TTBK1: variants seen among roughly 807,000 people sequenced by gnomAD.
TTBK1 encodes tau-tubulin kinase 1.
In TTBK1, 34 loss-of-function variants were observed where a neutral mutation model predicts 108.5. That is an observed-to-expected ratio of 0.31 (90% CI 0.24 to 0.42). TTBK1 has a LOEUF of 0.42. Ranked by LOEUF, TTBK1 falls within the 10% of genes least tolerant of loss-of-function variation. TTBK1 has a pLI of 1.00. For missense variants in TTBK1, 1,539 were observed against 1,826.0 expected (o/e 0.84, Z 2.86); for synonymous variants, 809 against 795.1 (o/e 1.02, Z -0.29).
rs771373895 is a variant in TTBK1, at chr6:43,283,435, G to C, written c.2695G>C (p.Gly899Arg). 4.6e-5 allele frequency: 75 copies of C among 1,613,502 alleles called. No homozygotes were observed. Residue 899 changes from glycine (G) to arginine (R), a missense_variant, in exon 14 of 15, where the codon GGG becomes CGG. Gly to Arg is a moderately radical substitution (Grantham distance 125). Around this residue, in one of 5 missense-constraint regions of TTBK1, gnomAD observed 1,055 missense variants for 1,086.5 expected, o/e 0.97. Coordinates refer to ENST00000259750, the MANE Select transcript of TTBK1 (RefSeq NM_032538.3). This position sits in a 1 kb window ranked among gnomAD's most constrained non-coding sequence, Gnocchi z 8.1. ...SVLKSEPKPP[G>R]PGAGLGAGTV... ...CCTCAAGTCTGAGCCCAAGCCCCCGGGGCCTGGGGCAGGGCTGGGGGCCGG... is the reference window on the plus strand; with the variant it reads ...CCTCAAGTCTGAGCCCAAGCCCCCGCGGCCTGGGGCAGGGCTGGGGGCCGG...
At position 43,283,030 on chromosome 6, in the gene TTBK1, G is replaced by A; in HGVS notation, c.2290G>A (p.Glu764Lys). 1 of 1,590,970 alleles carries A rather than the reference G, an allele frequency of 6.3e-7. No individual in the cohort carries two copies. Among genetic ancestry groups the A allele is most frequent in the Non-Finnish European group, 8.6e-7 (1 of 1,167,282 alleles). The change falls in exon 14 of 15, where the codon GAG (glutamate) becomes AAG (lysine). Residue 764 changes from glutamate to lysine, a missense_variant. Glu to Lys is a moderately conservative substitution (Grantham distance 56, BLOSUM62 1). Around this residue, in one of 5 missense-constraint regions of TTBK1, gnomAD observed 1,055 missense variants for 1,086.5 expected, o/e 0.97. Coordinates refer to ENST00000259750, the MANE Select transcript of TTBK1 (RefSeq NM_032538.3). The surrounding 1 kb of genome is among the most constrained non-coding windows in gnomAD (Gnocchi z 8.1). ...EEEEEEEEEE[E>K]EEEEEEEAAA... ...AGAGGAAGAGGAGGAGGAAGAAGAG[G>A]AGGAGGAGGAAGAGGAGGAGGAGGC... is the stretch of plus-strand genomic sequence containing the variant.
intron 2 of TTBK1, among the ~76,000 whole-genome samples, chr6:43,250,977 A>T (rs1777223010): frequency 6.6e-6 from 1 of 152,214 alleles, no homozygotes; most frequent in Non-Finnish European, 1.5e-5. Flanking sequence ...CCTGGCTCTG[A>T]GATCCTGCCT....
intron 13 of TTBK1, among the ~76,000 whole-genome samples, chr6:43,274,621 C>T (rs1304972667): frequency 1.6e-5 from 1 of 62,758 alleles, no homozygotes; most frequent in Non-Finnish European, 3.6e-5. Context: ...GTAGATCTCT[C>T]CGGAGGGCCT....
Position 43,283,131 on chromosome 6 carries a change from T to C in TTBK1, c.2391T>C (p.Thr797=), listed in dbSNP as rs772141305. ...GSSSEGSERS[T]DRSQEGAPST... is the part of the protein sequence containing the mutation. ...GCAGTGAGGGGAGTGAGAGGAGCAC[T>C]GACCGGAGCCAGGAGGGTGCCCCGT... The change falls in exon 14 of 15, where the codon ACT becomes ACC. Residue 797 remains threonine (T), a synonymous_variant. Transcript: ENST00000259750. The surrounding 1 kb of genome is among the most constrained non-coding windows in gnomAD (Gnocchi z 8.1). The C allele has an allele frequency of 5.1e-6, 8 of 1,573,726 alleles. No individual in the cohort carries two copies. The highest frequency in any genetic ancestry group is 2.0e-4 in the Middle Eastern group (1 of 4,974).
Position 43,263,541 on chromosome 6 carries a change from C to T in TTBK1, c.1986+191C>T, listed in dbSNP as rs535440548. Among the ~76,000 whole-genome samples, 1 of 152,316 alleles carries T rather than the reference C, an allele frequency of 6.6e-6. No homozygotes were observed. Among genetic ancestry groups the T allele is most frequent in the East Asian group, 1.9e-4 (1 of 5,182 alleles). The stretch of plus-strand genomic sequence containing the variant: ...CAGGCAAGGCTTCCCAGAGGAAGTG[C>T]CCTCTCAGTTCTGAGTTGAGTCTGG... On this transcript the variant is annotated intron_variant, in intron 13 of 14. Transcript: ENST00000259750. This position sits in a 1 kb window ranked among gnomAD's most constrained non-coding sequence, Gnocchi z 4.7.
At position 43,276,162 on chromosome 6, in the gene TTBK1, CT is replaced by C. The variant is rs1428984008; in HGVS notation, c.1987-6563del. On this transcript the variant is annotated intron_variant, in intron 13 of 14. Transcript: ENST00000259750. The surrounding 1 kb of genome is among the most constrained non-coding windows in gnomAD (Gnocchi z 5.4). ...GAGCCTTCCCCTCCCATCGTAAGTC[CT>C]TCCCTCGACCCCCCATTTTGTACTG... Among the ~76,000 whole-genome samples, 16 of 152,174 alleles carry C rather than the reference CT, an allele frequency of 1.1e-4. No homozygotes were observed. The highest frequency in any genetic ancestry group is 6.2e-4 in the South Asian group (3 of 4,832).
In TTBK1 at chr6:43,269,122, C is replaced by T. The variant is rs1485732791; in HGVS notation, c.1986+5772C>T. Among the ~76,000 whole-genome samples the T allele has an allele frequency of 6.6e-6, 1 of 152,180 alleles. No individual in the cohort carries two copies. Among genetic ancestry groups the T allele is most frequent in the African/African-American group, 2.4e-5 (1 of 41,440 alleles). On this transcript the variant is annotated intron_variant, in intron 13 of 14. Transcript: ENST00000259750. This position sits in a 1 kb window ranked among gnomAD's most constrained non-coding sequence, Gnocchi z 4.8. ...TGGGCTCTAGAGTACCACCTTATGC[C>T]GCATGGTCACCCCGATCCCAACACC... is the stretch of plus-strand genomic sequence containing the variant.
chr6:43,258,905 T>C (rs1777446742), intron 10 of TTBK1, 133 bp from the exon 11 acceptor site: 1 of 634,308 alleles, frequency 1.6e-6, no homozygotes. Flanking sequence ...CTAGGGACAC[T>C]CTCACCCCTG....
intron 13 of TTBK1, among the ~76,000 whole-genome samples, chr6:43,281,371 A>G (rs887019033): frequency 3.4e-5 from 5 of 145,610 alleles, no homozygotes; most frequent in African/African-American, 1.3e-4. Flanking sequence ...GCAGGGCTCC[A>G]TATCAAAAAA....
At chr6:43,271,816 G>C in intron 13 of TTBK1, 1 of 982,668 alleles carries the variant, frequency 1.0e-6, no homozygotes, top group Non-Finnish European at 1.2e-6. Flanking sequence ...TGGGCCAAGA[G>C]CACCTTCTCC....
chr6:43,284,421 C>A lies in TTBK1; in HGVS notation c.3572+109C>A. ...GGGGCTATGGAAGATCAGGAGGGAC[C>A]CTCAGTGACACCTCCTGTCCAGCAC... is the stretch of plus-strand genomic sequence containing the variant. On this transcript the variant is annotated intron_variant, in intron 14 of 14. Coordinates refer to ENST00000259750, the MANE Select transcript of TTBK1 (RefSeq NM_032538.3). 3.3e-6 allele frequency: 3 copies of A among 907,416 alleles called. No homozygotes were observed. In the South Asian group the frequency reaches 7.1e-5, roughly 22 times the overall value. 56.2% of individuals were successfully genotyped at this position (907,416 alleles called of 1,614,324 possible). A position where few individuals can be genotyped will look rare whatever the true frequency, so the allele number is the denominator to read the frequency against.
At chr6:43,271,672 G>A (rs1582506894) in intron 13 of TTBK1, 2 of 985,294 alleles carry the variant, frequency 2.0e-6, no homozygotes, top group Non-Finnish European at 2.4e-6. Flanking sequence ...CACACAGAGG[G>A]CCACCATTGT....
chr6:43,285,399 T>TTCCC lies in TTBK1; in HGVS notation c.*23_*24insTCCC. 7.9e-7 allele frequency: 1 copy of TTCCC among 1,258,712 alleles called. No individual in the cohort carries two copies. Among genetic ancestry groups the TTCCC allele is most frequent in the Non-Finnish European group, 9.9e-7 (1 of 1,005,550 alleles). The allele number at this position is 1,258,712 out of a possible 1,614,324, so 78.0% of individuals were successfully genotyped here. A position where few individuals can be genotyped will look rare whatever the true frequency, so the allele number is the denominator to read the frequency against. ...TAATGACGCCCGCTGCTCTCCGCGG[T>TTCCC]CCCCCACCCTCACCCCGGCCCCCCA... On this transcript the variant is annotated 3_prime_UTR_variant, in exon 15 of 15. Coordinates refer to ENST00000259750, the MANE Select transcript of TTBK1 (RefSeq NM_032538.3). The surrounding 1 kb of genome is among the most constrained non-coding windows in gnomAD (Gnocchi z 4.7).
chr6:43,263,475 G>A lies in TTBK1; in HGVS notation c.1986+125G>A. ...AGCCAGCAGTCACAGGGCTGTGATG[G>A]AGGTAGACAGGCTTAAGGGTCTGAA... On this transcript the variant is annotated intron_variant, in intron 13 of 14. Transcript: ENST00000259750. The surrounding 1 kb of genome is among the most constrained non-coding windows in gnomAD (Gnocchi z 4.7). The A allele has an allele frequency of 1.0e-6, 1 of 961,220 alleles. No homozygotes were observed. Among genetic ancestry groups the A allele is most frequent in the Non-Finnish European group, 1.4e-6 (1 of 693,790 alleles). The allele number at this position is 961,220 out of a possible 1,614,324, so 59.5% of individuals were successfully genotyped here.
intron 13 of TTBK1, among the ~76,000 whole-genome samples, chr6:43,274,001 A>T (rs1256246224): frequency 6.6e-6 from 1 of 152,080 alleles, no homozygotes; most frequent in East Asian, 1.9e-4. Context: ...GGTGTGCATA[A>T]GTGCCTGAAT....
chr6:43,286,227 G>A lies in TTBK1; in HGVS notation c.*851G>A, dbSNP rs919131378. The A allele has an allele frequency of 6.5e-6, 1 of 152,710 alleles. No homozygotes were observed. Among genetic ancestry groups the A allele is most frequent in the African/African-American group, 2.4e-5 (1 of 41,444 alleles). 9.5% of individuals were successfully genotyped at this position (152,710 alleles called of 1,614,324 possible). A position where few individuals can be genotyped will look rare whatever the true frequency, so the allele number is the denominator to read the frequency against. On this transcript the variant is annotated 3_prime_UTR_variant, in exon 15 of 15. Transcript: ENST00000259750. The surrounding 1 kb of genome is among the most constrained non-coding windows in gnomAD (Gnocchi z 4.6). ...TGCCTTCCTGGGCAAGTATTTCCCA[G>A]TGGGAAGTTGGAGGGGGCTTTAACA...
At position 43,287,276 on chromosome 6, in the gene TTBK1, A is replaced by G. The variant is rs1778404652; in HGVS notation, c.*1900A>G. 6.6e-6 allele frequency: 1 copy of G among 152,434 alleles called. No individual in the cohort carries two copies. 9.4% of individuals were successfully genotyped at this position (152,434 alleles called of 1,614,324 possible). ...AGTGGAGGAAGGGCCACTGCCTCCC[A>G]CCTAGAGCTTCTCCGAATGACAATC... On this transcript the variant is annotated 3_prime_UTR_variant, in exon 15 of 15. Transcript: ENST00000259750. The surrounding 1 kb of genome is among the most constrained non-coding windows in gnomAD (Gnocchi z 4.1).
In TTBK1 at chr6:43,276,507, ACGCGCACACGGC is replaced by A. The variant is rs1778004570; in HGVS notation, c.1987-6212_1987-6201del. Among the ~76,000 whole-genome samples, 1 of 152,060 alleles carries A rather than the reference ACGCGCACACGGC, an allele frequency of 6.6e-6. No individual in the cohort carries two copies. The highest frequency in any genetic ancestry group is 2.1e-4 in the South Asian group (1 of 4,834). On this transcript the variant is annotated intron_variant, in intron 13 of 14. Coordinates refer to ENST00000259750, the MANE Select transcript of TTBK1 (RefSeq NM_032538.3). This position sits in a 1 kb window ranked among gnomAD's most constrained non-coding sequence, Gnocchi z 5.4. ...GGGGGTGGGACACGGACACGCACCCACGCGCACACGGCCGCGCACGGGCGGGGAGGGGGCGCC... is the reference window on the plus strand; with the variant it reads ...GGGGGTGGGACACGGACACGCACCCACGCGCACGGGCGGGGAGGGGGCGCC...
rs1319354210 is a variant in TTBK1, at chr6:43,273,113, C to A, written c.1987-9614C>A. On this transcript the variant is annotated intron_variant, in intron 13 of 14. Coordinates refer to ENST00000259750, the MANE Select transcript of TTBK1 (RefSeq NM_032538.3). This position sits in a 1 kb window ranked among gnomAD's most constrained non-coding sequence, Gnocchi z 4.2. ...CCTCATGATAGCTTATGAGGTAGAT[C>A]CCAGTATTATCTGCATTCAACAAAT... Among the ~76,000 whole-genome samples, 1 of 152,156 alleles carries A rather than the reference C, an allele frequency of 6.6e-6. No individual in the cohort carries two copies. Among genetic ancestry groups the A allele is most frequent in the African/African-American group, 2.4e-5 (1 of 41,418 alleles).
Sources: gnomAD v4.1 joint callset for allele counts (sites outside exome capture counted in the v4.1 genomes callset) on GRCh38, gnomAD v4.1.1 for gene constraint, gnomAD v4.1.1 regional missense constraint, Gnocchi (gnomAD v3.1) non-coding constraint, MANE v1.5 for transcripts, NCBI Gene and HGNC (gene_info 2026-07-23, HGNC 2026-07-21) for gene names.